PRKD3: variants seen among roughly 807,000 people sequenced by gnomAD.
PRKD3 encodes the protein protein kinase D3.
A neutral mutation model predicts 99.2 loss-of-function variants in PRKD3; 47 were observed. The observed-to-expected ratio is 0.47, with a 90% CI of 0.38 to 0.60. PRKD3 has a LOEUF of 0.60. PRKD3 is among the 20% of genes least tolerant of loss of function. The pLI is 0.00. For synonymous variants in PRKD3, 392 were observed against 355.4 expected, an observed-to-expected ratio of 1.10 and a Z score of -1.16; for missense variants, 1,019 against 1,088.4, an observed-to-expected ratio of 0.94 and a Z score of 0.90.
Position 37,252,847 on chromosome 2 carries a change from T to TTATATATATATATATATATATATA in PRKD3, c.*329_*330insTATATATATATATATATATATATA, listed in dbSNP as rs58356461. On this transcript the variant is annotated 3_prime_UTR_variant, in exon 19 of 19. Transcript: ENST00000234179. ...AAAACAAACAAACATATATTTATATTTATATATATATATATAAAGAGAAAT... is the reference window on the plus strand; with the variant it reads ...AAAACAAACAAACATATATTTATATTTATATATATATATATATATATATATATATATATATATATAAAGAGAAAT... The TTATATATATATATATATATATATA allele has an allele frequency of 4.8e-5, 7 of 145,034 alleles. No individual in the cohort carries two copies. The highest frequency in any genetic ancestry group is 1.0e-4 in the African/African-American group (4 of 40,048). 9.0% of individuals were successfully genotyped at this position (145,034 alleles called of 1,614,324 possible). A position where few individuals can be genotyped will look rare whatever the true frequency, so the allele number is the denominator to read the frequency against.
At chr2:37,265,834 C>T (rs1004252424) in intron 14 of PRKD3, among the ~76,000 whole-genome samples, 1 of 152,108 alleles carries the variant, frequency 6.6e-6, no homozygotes, top group Non-Finnish European at 1.5e-5. Context: ...GTTTTTCATA[C>T]TGTGCATTAC....
rs1017158 is a variant in PRKD3 at position 37,315,776 on chromosome 2, A to G, written c.288+461T>C. 8.7e-3 allele frequency among the ~76,000 whole-genome samples: 1,330 copies of G among 152,330 alleles called. 25 individuals are homozygous for G. Among genetic ancestry groups the G allele is most frequent in the African/African-American group, 0.031 (1,278 of 41,562 alleles). ...CTGTTGCCGTGCCAGGCTGGAGTGC[A>G]GTGGCGCTATCTCAGCTCACTGCAA... On this transcript the variant is annotated intron_variant, in intron 2 of 18. Transcript: ENST00000234179.
chr2:37,283,124 A>C (rs1038605103), intron 6 of PRKD3, among the ~76,000 whole-genome samples: 2 of 152,316 alleles, frequency 1.3e-5, no homozygotes, highest in South Asian at 2.1e-4. Flanking sequence ...GCCTAAAACA[A>C]ACCTCAGAGT....
In PRKD3 at chr2:37,274,713, A is replaced by G. The variant is rs1387618755; in HGVS notation, c.1375-16T>C. On this transcript the variant is annotated splice_polypyrimidine_tract_variant and intron_variant, in intron 10 of 18. Coordinates refer to ENST00000234179, the MANE Select transcript of PRKD3 (RefSeq NM_005813.6). ...GTGGAATTTCCTGAAGTAAAAAATT[A>G]AGCATTGAAAAATAAGAATAGATCT... 1 of 1,602,746 alleles carries G rather than the reference A, an allele frequency of 6.2e-7. No individual in the cohort carries two copies. The highest frequency in any genetic ancestry group is 1.7e-5 in the Admixed American group (1 of 59,696).
chr2:37,290,721 A>G, intron 4 of PRKD3, 147 bp downstream of exon 4: 3 of 791,308 alleles, frequency 3.8e-6, no homozygotes, highest in Non-Finnish European at 5.8e-6. Context: ...TAGGTGGCAG[A>G]GATAAAATGA....
Position 37,250,828 on chromosome 2 carries a change from C to T in PRKD3, c.*2349G>A, listed in dbSNP as rs142689216. 4 of 152,648 alleles carry T rather than the reference C, an allele frequency of 2.6e-5. No individual in the cohort carries two copies. Among genetic ancestry groups the T allele is most frequent in the African/African-American group, 9.6e-5 (4 of 41,552 alleles). 9.5% of individuals were successfully genotyped at this position (152,648 alleles called of 1,614,324 possible). ...CATTATAGACTACTTTGTACATTATCAAATGTTTCTAGCAATTACTTCTTT... is the reference window on the plus strand; with the variant it reads ...CATTATAGACTACTTTGTACATTATTAAATGTTTCTAGCAATTACTTCTTT... On this transcript the variant is annotated 3_prime_UTR_variant, in exon 19 of 19. Transcript: ENST00000234179.
intron 2 of PRKD3, among the ~76,000 whole-genome samples, chr2:37,309,158 T>A (rs533833300): frequency 2.0e-3 from 303 of 152,312 alleles, no homozygotes; most frequent in Non-Finnish European, 2.6e-3. Context: ...CTTTAAAAAA[T>A]TTTTTAAAGA....
intron 2 of PRKD3, among the ~76,000 whole-genome samples, chr2:37,297,918 G>A (rs775292999): frequency 1.3e-5 from 2 of 152,098 alleles, no homozygotes; most frequent in African/African-American, 4.8e-5. Flanking sequence ...ATACTCTTTG[G>A]AAGTAAGTCA....
At chr2:37,281,175 T>C (rs565786367) in intron 7 of PRKD3, among the ~76,000 whole-genome samples, 2 of 152,186 alleles carry the variant, frequency 1.3e-5, no homozygotes, top group Non-Finnish European at 2.9e-5. Context: ...GTGCATTTCT[T>C]TGATTACTAG....
chr2:37,318,961 T>C lies in PRKD3; in HGVS notation c.-655-1782A>G, dbSNP rs139725748. Among the ~76,000 whole-genome samples, 1,075 of 152,242 alleles carry C rather than the reference T, an allele frequency of 7.1e-3. 10 individuals are homozygous for C. Among genetic ancestry groups the C allele is most frequent in the Non-Finnish European group, 7.5e-3 (512 of 68,012 alleles). On this transcript the variant is annotated intron_variant, in intron 1 of 18. Coordinates refer to ENST00000234179, the MANE Select transcript of PRKD3 (RefSeq NM_005813.6). ...GAATAACTAGAGAAGAATATAATGA[T>C]CACTAGAAGTCAACCACATTTACAT...
chr2:37,324,819 C>G lies in PRKD3; in HGVS notation c.-794G>C, dbSNP rs1672058290. 1 of 150,534 alleles carries G rather than the reference C, an allele frequency of 6.6e-6. No homozygotes were observed. Among genetic ancestry groups the G allele is most frequent in the Non-Finnish European group, 1.5e-5 (1 of 67,398 alleles). The allele number at this position is 150,534 out of a possible 1,614,324, so 9.3% of individuals were successfully genotyped here. ...TTCCTCCCTCCCTCCCCGTCCCGTC[C>G]TGGGGCCGGAGGGCGGGGGGCCGGG... On this transcript the variant is annotated 5_prime_UTR_variant, in exon 1 of 19. Transcript: ENST00000234179.
At chr2:37,282,024 G>A (rs1464421382) in intron 7 of PRKD3, among the ~76,000 whole-genome samples, 1 of 152,156 alleles carries the variant, frequency 6.6e-6, no homozygotes, top group Non-Finnish European at 1.5e-5. Flanking sequence ...AATCACTAGG[G>A]ACTAAGGAAC....
chr2:37,322,476 C>A (rs756899263), intron 1 of PRKD3, among the ~76,000 whole-genome samples: 1 of 152,220 alleles, frequency 6.6e-6, no homozygotes, highest in Non-Finnish European at 1.5e-5. Context: ...TGAGAGAGCA[C>A]ACCATATCTG....
intron 1 of PRKD3, 104 bp downstream of exon 1, chr2:37,324,577 G>GGCC (rs1247862988): frequency 6.7e-6 from 1 of 149,938 alleles, no homozygotes; most frequent in Non-Finnish European, 1.5e-5. Flanking sequence ...ATGGGGGAGG[G>GGCC]GCCGCCGCCG....
chr2:37,292,866 CA>C, intron 3 of PRKD3: 1 of 246,100 alleles, frequency 4.1e-6, no homozygotes, highest in Non-Finnish European at 7.8e-6. Flanking sequence ...AGGCTGGTCT[CA>C]AACTCCTGAG....
At chr2:37,289,008 C>A (rs763706887) in intron 5 of PRKD3, among the ~76,000 whole-genome samples, 1 of 151,190 alleles carries the variant, frequency 6.6e-6, no homozygotes, top group Non-Finnish European at 1.5e-5. Flanking sequence ...GAGCAGAGAC[C>A]GTGCCACTGC....
At position 37,316,532 on chromosome 2, in the gene PRKD3, T is replaced by G; in HGVS notation, c.-8A>C. On this transcript the variant is annotated 5_prime_UTR_variant, in exon 2 of 19. Transcript: ENST00000234179. Reference sequence around the variant, plus strand: ...GGAATTATTTGCAGACATCTGCCTTTCTTTAATCTTTTAAAATAGTTGTCG... The same window carrying G: ...GGAATTATTTGCAGACATCTGCCTTGCTTTAATCTTTTAAAATAGTTGTCG... 6.2e-7 allele frequency: 1 copy of G among 1,606,312 alleles called. No homozygotes were observed. The highest frequency in any genetic ancestry group is 8.5e-7 in the Non-Finnish European group (1 of 1,176,502).
At chr2:37,282,498 G>T in intron 7 of PRKD3, 44 bp downstream of exon 7, 1 of 1,199,914 alleles carries the variant, frequency 8.3e-7, no homozygotes, top group Non-Finnish European at 1.2e-6. Flanking sequence ...AAAGAATCAT[G>T]GCCTTTTCTG....
At chr2:37,305,009 G>A (rs1671095172) in intron 2 of PRKD3, among the ~76,000 whole-genome samples, 1 of 152,056 alleles carries the variant, frequency 6.6e-6, no homozygotes, top group Non-Finnish European at 1.5e-5. Flanking sequence ...ATGGCTGCCT[G>A]ACATTGATTT....
Sources: allele counts gnomAD v4.1 joint callset (sites outside exome capture counted in the v4.1 genomes callset), GRCh38; gene constraint gnomAD v4.1.1; transcripts MANE v1.5; gene names NCBI Gene and HGNC (gene_info 2026-07-23, HGNC 2026-07-21).